The following CDV3 variants were observed in gnomAD, a reference collection of about 807,000 sequenced individuals.
The protein encoded by CDV3 is CDV3 homolog, also known as protein CDV3 homolog.
A neutral mutation model predicts 24.5 loss-of-function variants in CDV3; 14 were observed. The observed-to-expected ratio is 0.57, with a 90% CI of 0.38 to 0.89. The LOEUF (loss-of-function observed/expected upper bound fraction) is 0.89, where lower values mean the gene tolerates loss of function less well. Ranked by LOEUF, CDV3 falls within the 40% of genes least tolerant of loss-of-function variation. The pLI, the probability that CDV3 is intolerant of heterozygous loss-of-function variation, is 0.00. For synonymous variants in CDV3, 114 were observed against 114.1 expected (o/e 1.00, Z 0.00); for missense variants, 304 against 310.2 (o/e 0.98, Z 0.15).
intron 1 of CDV3, 85 bp from the exon 2 acceptor site, chr3:133,574,954 C>G: frequency 1.1e-6 from 1 of 905,192 alleles, no homozygotes; most frequent in Admixed American, 2.0e-5. Flanking sequence ...GTTCCAGCCA[C>G]TTGATCCACT....
At chr3:133,574,665 A>G (rs779698179) in intron 1 of CDV3, 43 of 1,031,362 alleles carry the variant, frequency 4.2e-5, no homozygotes, top group Non-Finnish European at 5.0e-5. Flanking sequence ...CGCTTTCAGC[A>G]GCCGCATTTG....
At position 133,574,242 on chromosome 3, in the gene CDV3, G is replaced by GGGGGCTGCGGGCCCA; in HGVS notation, c.204_218dup (p.Gly70_Ala74dup). On this transcript the variant is annotated inframe_insertion, in exon 1 of 5. Coordinates refer to ENST00000264993, the MANE Select transcript of CDV3 (RefSeq NM_017548.5). ...CGGGTGACGGCGGGACCGCCAGCGCGGGGGCTGCGGGCCCAGGGGCCGCCA... is the reference window on the plus strand; with the variant it reads ...CGGGTGACGGCGGGACCGCCAGCGCGGGGGCTGCGGGCCCAGGGGCTGCGGGCCCAGGGGCCGCCA... The GGGGGCTGCGGGCCCA allele has an allele frequency of 1.0e-6, 1 of 991,420 alleles. No individual in the cohort carries two copies. The highest frequency in any genetic ancestry group is 1.2e-6 in the Non-Finnish European group (1 of 834,868). The allele number at this position is 991,420 out of a possible 1,614,324, so 61.4% of individuals were successfully genotyped here. A position where few individuals can be genotyped will look rare whatever the true frequency, so the allele number is the denominator to read the frequency against.
In CDV3 at chr3:133,573,861, C is replaced by T; in HGVS notation, c.-184C>T. The T allele has an allele frequency of 4.0e-6, 1 of 250,222 alleles. No homozygotes were observed. Among genetic ancestry groups the T allele is most frequent in the Non-Finnish European group, 6.3e-6 (1 of 157,752 alleles). 15.5% of individuals were successfully genotyped at this position (250,222 alleles called of 1,614,324 possible). ...GCGCGAGCCCCCGGGCGGACCGTAC[C>T]ACCGCTCGCCAGCACGCAGGGGGAG... On this transcript the variant is annotated 5_prime_UTR_variant, in exon 1 of 5. Coordinates refer to ENST00000264993, the MANE Select transcript of CDV3 (RefSeq NM_017548.5).
chr3:133,576,841 CT>C (rs370619351), intron 2 of CDV3, among the ~76,000 whole-genome samples: 89 of 62,390 alleles, frequency 1.4e-3, no homozygotes, highest in Non-Finnish European at 1.7e-3. Context: ...GGTAGACTAG[CT>C]TTTTTTTTTT....
intron 2 of CDV3, among the ~76,000 whole-genome samples, chr3:133,576,346 T>C (rs1408209747): frequency 6.6e-6 from 1 of 152,214 alleles, no homozygotes; most frequent in Non-Finnish European, 1.5e-5. Flanking sequence ...GTCTTTCTCT[T>C]TTCTGTCTCC....
intron 3 of CDV3, 149 bp from the exon 4 acceptor site, chr3:133,586,414 T>C (rs1933606005): frequency 1.7e-6 from 1 of 575,204 alleles, no homozygotes; most frequent in African/African-American, 1.9e-5. Context: ...CTTTCAGACA[T>C]TTTCTGAAAT....
At chr3:133,574,422 GCT>G in intron 1 of CDV3, 138 bp downstream of exon 1, 1 of 980,768 alleles carries the variant, frequency 1.0e-6, no homozygotes, top group Non-Finnish European at 1.2e-6. Flanking sequence ...CGTGACGCAG[GCT>G]CTCCACCTCG....
chr3:133,585,779 G>A (rs1164971148), intron 3 of CDV3, among the ~76,000 whole-genome samples: 1 of 152,174 alleles, frequency 6.6e-6, no homozygotes, highest in Non-Finnish European at 1.5e-5. Context: ...TTACAGGCTT[G>A]AGCCACTGCA....
At chr3:133,577,990 C>A (rs1302293555) in intron 2 of CDV3, among the ~76,000 whole-genome samples, 2 of 151,972 alleles carry the variant, frequency 1.3e-5, no homozygotes, top group Non-Finnish European at 2.9e-5. Flanking sequence ...CCTCTTTCAT[C>A]TCTATTTTTT....
At chr3:133,575,222 A>G (rs1225208881) in intron 2 of CDV3, 107 bp downstream of exon 2, 8 of 650,738 alleles carry the variant, frequency 1.2e-5, no homozygotes, top group Middle Eastern at 2.5e-4. Context: ...CTTGTGCTCT[A>G]GATATGCTTA....
chr3:133,586,096 T>C (rs1286785857), intron 3 of CDV3, among the ~76,000 whole-genome samples: 1 of 151,096 alleles, frequency 6.6e-6, no homozygotes, highest in African/African-American at 2.4e-5. Flanking sequence ...GTTTTCACTT[T>C]TCTTTTTTCT....
chr3:133,576,643 C>G (rs562104592), intron 2 of CDV3, among the ~76,000 whole-genome samples: 53 of 152,238 alleles, frequency 3.5e-4, no homozygotes, highest in African/African-American at 1.1e-3. Flanking sequence ...ATTATTTAAA[C>G]AGAACCTGTG....
At chr3:133,575,521 A>T (rs2074771765) in intron 2 of CDV3, among the ~76,000 whole-genome samples, 1 of 152,252 alleles carries the variant, frequency 6.6e-6, no homozygotes, top group Non-Finnish European at 1.5e-5. Flanking sequence ...AGTATATCAT[A>T]CTTACAGAGA....
In CDV3 at chr3:133,588,272, G is replaced by C; in HGVS notation, c.*226G>C. On this transcript the variant is annotated 3_prime_UTR_variant, in exon 5 of 5. Coordinates refer to ENST00000264993, the MANE Select transcript of CDV3 (RefSeq NM_017548.5). ...ATAAATGTGTGAACTAGTTTCAACA[G>C]TGTTCTTTCATATTTACTCTGCAAA... The C allele has an allele frequency of 3.9e-6, 6 of 1,541,368 alleles. No homozygotes were observed. Among genetic ancestry groups the C allele is most frequent in the Non-Finnish European group, 5.2e-6 (6 of 1,146,398 alleles).
In CDV3 at chr3:133,589,791, G is replaced by A. The variant is rs1476527582; in HGVS notation, c.*1745G>A. 6.6e-6 allele frequency: 1 copy of A among 152,474 alleles called. No homozygotes were observed. The allele number at this position is 152,474 out of a possible 1,614,324, so 9.4% of individuals were successfully genotyped here. A position where few individuals can be genotyped will look rare whatever the true frequency, so the allele number is the denominator to read the frequency against. ...TGTTGACATTTGAGGTGGCAGGCAGGATGCCTGCCTTCTAATATATTTGGG... is the reference window on the plus strand; with the variant it reads ...TGTTGACATTTGAGGTGGCAGGCAGAATGCCTGCCTTCTAATATATTTGGG... On this transcript the variant is annotated 3_prime_UTR_variant, in exon 5 of 5. Coordinates refer to ENST00000264993, the MANE Select transcript of CDV3 (RefSeq NM_017548.5).
chr3:133,575,435 T>G (rs555151560), intron 2 of CDV3, among the ~76,000 whole-genome samples: 2 of 152,242 alleles, frequency 1.3e-5, no homozygotes, highest in Admixed American at 6.5e-5. Flanking sequence ...TTGTACTTAG[T>G]TTTGGTTTCA....
intron 4 of CDV3, 40 bp downstream of exon 4, chr3:133,586,762 G>T: frequency 3.0e-6 from 4 of 1,332,064 alleles, no homozygotes; most frequent in East Asian, 2.3e-5. Flanking sequence ...TGGGACTTCT[G>T]TTCCTAGGCC....
intron 3 of CDV3, 87 bp from the exon 4 acceptor site, chr3:133,586,476 A>T: frequency 1.4e-6 from 1 of 709,670 alleles, no homozygotes; most frequent in Non-Finnish European, 2.4e-6. Context: ...TTTTTCTATA[A>T]TTGTTAAATG....
Position 133,584,138 on chromosome 3 carries a change from G to A in CDV3, c.454G>A (p.Ala152Thr), listed in dbSNP as rs765048945. The A allele has an allele frequency of 6.3e-7, 1 of 1,595,842 alleles. No individual in the cohort carries two copies. The highest frequency in any genetic ancestry group is 1.8e-5 in the Admixed American group (1 of 54,274). Reference protein sequence around the residue: ...NKTAPVQAPPAPVIVTETPEP... With the variant: ...NKTAPVQAPPTPVIVTETPEP... Reference sequence around the variant, plus strand: ...AACAGCTCCAGTACAAGCACCTCCTGCTCCAGTAATTGGTAATTTTACTAT... The same window carrying A: ...AACAGCTCCAGTACAAGCACCTCCTACTCCAGTAATTGGTAATTTTACTAT... Residue 152 changes from alanine (A) to threonine (T), a missense_variant, in exon 3 of 5, where the codon GCT becomes ACT. By Grantham distance (58) the Ala-to-Thr change is moderately conservative. Coordinates refer to ENST00000264993, the MANE Select transcript of CDV3 (RefSeq NM_017548.5).
Sources: allele counts gnomAD v4.1 joint callset (sites outside exome capture counted in the v4.1 genomes callset), GRCh38; gene constraint gnomAD v4.1.1; transcripts MANE v1.5; gene names NCBI Gene and HGNC (gene_info 2026-07-23, HGNC 2026-07-21).